NCKAP5L: variants seen among roughly 807,000 people sequenced by gnomAD.
NCKAP5L encodes the protein nck-associated protein 5-like.
NCKAP5L carries 54 observed loss-of-function variants against 103.2 expected under a neutral mutation model. The ratio of observed to expected loss-of-function variants is 0.52; its 90% CI spans 0.42 to 0.66. The LOEUF (loss-of-function observed/expected upper bound fraction) is 0.66, where lower values mean the gene tolerates loss of function less well. Among genes scored for constraint, NCKAP5L ranks in the 30% least tolerant of loss-of-function variants. The pLI, the probability that NCKAP5L is intolerant of heterozygous loss-of-function variation, is 0.00. For synonymous variants in NCKAP5L, 762 were observed against 748.6 expected, an observed-to-expected ratio of 1.02 and a Z score of -0.29; for missense variants, 1,733 against 1,750.6, an observed-to-expected ratio of 0.99 and a Z score of 0.18.
chr12:49,810,792 CAT>C (rs1337825744), intron 1 of NCKAP5L, among the ~76,000 whole-genome samples: 6 of 152,130 alleles, frequency 3.9e-5, no homozygotes, highest in South Asian at 2.1e-4. Flanking sequence ...AATATGTTAA[CAT>C]GTGATGGGTT....
chr12:49,820,480 C>CT (rs1443450270), intron 1 of NCKAP5L, among the ~76,000 whole-genome samples: 28 of 152,206 alleles, frequency 1.8e-4, no homozygotes, highest in African/African-American at 6.5e-4. Flanking sequence ...TTATGCCTGG[C>CT]TAATTTTTGT....
chr12:49,792,917 C>G lies in NCKAP5L; in HGVS notation c.3410G>C (p.Ser1137Thr), dbSNP rs752110415. The change falls in exon 11 of 13, where the codon AGT becomes ACT. Residue 1137 changes from serine to threonine, a missense_variant. Transcript: ENST00000335999. This position sits in a 1 kb window ranked among gnomAD's most constrained non-coding sequence, Gnocchi z 4.5. The stretch of plus-strand genomic sequence containing the variant: ...AGGAAGATTCTTGCTGGGGGTCCCA[C>G]TGCTACCATGGTCTGGGGGTGGGAA... The part of the protein sequence containing the change: ...GTFPPPDHGS[S>T]GTPSKNLPKT... 1 of 1,551,654 alleles carries G rather than the reference C, an allele frequency of 6.4e-7. No homozygotes were observed. Among genetic ancestry groups the G allele is most frequent in the East Asian group, 2.3e-5 (1 of 44,324 alleles).
chr12:49,794,604 G>GCCCCC (rs1592746779), intron 8 of NCKAP5L, among the ~76,000 whole-genome samples, 161 bp downstream of exon 8: 1 of 96,822 alleles, frequency 1.0e-5, no homozygotes, highest in Admixed American at 1.2e-4. Context: ...CCAAGTCACT[G>GCCCCC]ACCCCCCCAC....
At chr12:49,808,528 C>T (rs769128966) in intron 1 of NCKAP5L, among the ~76,000 whole-genome samples, 55 of 152,216 alleles carry the variant, frequency 3.6e-4, no homozygotes, top group African/African-American at 1.2e-3. Context: ...AAACTTCCTG[C>T]GTCCTTACCC....
At position 49,793,752 on chromosome 12, in the gene NCKAP5L, G is replaced by T. The variant is rs752782945; in HGVS notation, c.3240C>A (p.Cys1080Ter). 1 of 1,566,148 alleles carries T rather than the reference G, an allele frequency of 6.4e-7. No individual in the cohort carries two copies. The highest frequency in any genetic ancestry group is 2.0e-5 in the Admixed American group (1 of 50,744). The change falls in exon 9 of 13, where the codon TGC becomes TGA. Residue 1080 changes from cysteine to a stop codon, truncating the protein, a stop_gained. Transcript: ENST00000335999. LOFTEE classifies it high-confidence loss of function. Reference sequence around the variant, plus strand: ...AACTTACCTTTCCAGGAGGTTTTCCGCAGCCCTGAAGAGGGCCCACCAGGC... The same window carrying T: ...AACTTACCTTTCCAGGAGGTTTTCCTCAGCCCTGAAGAGGGCCCACCAGGC... ...RNGLVGPLQG[C>*]GKPPGKPSSE...
intron 1 of NCKAP5L, among the ~76,000 whole-genome samples, chr12:49,826,152 G>T (rs1946414094): frequency 6.6e-6 from 1 of 152,074 alleles, no homozygotes; most frequent in Non-Finnish European, 1.5e-5. Flanking sequence ...GGGCAGGGCT[G>T]GGGGTGGGAT....
chr12:49,796,442 C>T lies in NCKAP5L; in HGVS notation c.1418G>A (p.Gly473Asp), dbSNP rs1457789596. 4 of 1,540,974 alleles carry T rather than the reference C, an allele frequency of 2.6e-6. No individual in the cohort carries two copies. In the East Asian group the frequency reaches 6.8e-5, roughly 26 times the overall value. The change falls in exon 8 of 13, where the codon GGC becomes GAC. Residue 473 changes from glycine to aspartate, a missense_variant. By Grantham distance (94) the Gly-to-Asp change is moderately conservative. Transcript: ENST00000335999. ...PTSEKSPSPG[G>D]PQLSPQLPRN... Reference sequence around the variant, plus strand: ...GGGGAGCTGGGGACTGAGCTGCGGGCCTCCTGGGCTGGGGCTCTTCTCCGA... The same window carrying T: ...GGGGAGCTGGGGACTGAGCTGCGGGTCTCCTGGGCTGGGGCTCTTCTCCGA...
At chr12:49,803,258 A>G in intron 3 of NCKAP5L, 93 bp from the exon 4 acceptor site, 2 of 1,257,830 alleles carry the variant, frequency 1.6e-6, no homozygotes, top group Non-Finnish European at 2.3e-6. Flanking sequence ...GGAGGCAACT[A>G]CAGGGGTGCT....
chr12:49,794,720 G>GCCCCAAGCC, intron 8 of NCKAP5L, 45 bp downstream of exon 8: 1 of 1,394,722 alleles, frequency 7.2e-7, no homozygotes, highest in Non-Finnish European at 9.5e-7. Context: ...AGGGAAAAGT[G>GCCCCAAGCC]CCCCAAGCCC....
rs776957377 is a variant in NCKAP5L at position 49,795,089 on chromosome 12, T to C, written c.2771A>G (p.Lys924Arg). 16 of 1,612,970 alleles carry C rather than the reference T, an allele frequency of 9.9e-6. No individual in the cohort carries two copies. Among genetic ancestry groups the C allele is most frequent in the Non-Finnish European group, 1.2e-5 (14 of 1,179,624 alleles). The change falls in exon 8 of 13, where the codon AAG (lysine) becomes AGG (arginine). Residue 924 changes from lysine (K) to arginine (R), a missense_variant. Physicochemically the swap from Lys to Arg is conservative, Grantham distance 26 (BLOSUM62 2). Coordinates refer to ENST00000335999, the MANE Select transcript of NCKAP5L (RefSeq NM_001037806.4). ...GTTCAGCGCTGGCAGCTTGCTCTTC[T>C]TAAGGCCGAACCAGCTGGCGATGCT... ...TSSIASWFGL[K>R]KSKLPALNRR... is the part of the protein sequence containing the mutation.
chr12:49,803,073 C>T (rs755066145), intron 4 of NCKAP5L, 24 bp downstream of exon 4: 2 of 1,614,256 alleles, frequency 1.2e-6, no homozygotes, highest in Non-Finnish European at 1.7e-6. Context: ...CACATCCCCC[C>T]AGTCCCACTA....
chr12:49,814,614 C>A (rs1946278305), intron 1 of NCKAP5L, among the ~76,000 whole-genome samples: 1 of 152,196 alleles, frequency 6.6e-6, no homozygotes, highest in Admixed American at 6.5e-5. Context: ...CTCCTCCCAC[C>A]CCTCTTCCAC....
At position 49,796,602 on chromosome 12, in the gene NCKAP5L, G is replaced by A. The variant is rs763274068; in HGVS notation, c.1258C>T (p.Arg420Trp). The part of the protein sequence containing the change: ...MGAGDAPLGS[R>W]PGHPHSSSQV... ...GATGAGGAATGGGGGTGGCCAGGCC[G>A]AGAGCCCAGTGGGGCATCCCCAGCA... Residue 420 changes from arginine (R) to tryptophan (W), a missense_variant, in exon 8 of 13, where the codon CGG becomes TGG. Physicochemically the swap from Arg to Trp is moderately radical, Grantham distance 101 (BLOSUM62 -3). Coordinates refer to ENST00000335999, the MANE Select transcript of NCKAP5L (RefSeq NM_001037806.4). The A allele has an allele frequency of 5.6e-6, 9 of 1,601,864 alleles. No individual in the cohort carries two copies. The highest frequency in any genetic ancestry group is 5.2e-5 in the Admixed American group (3 of 57,600).
At chr12:49,815,451 T>C (rs1388742671) in intron 1 of NCKAP5L, among the ~76,000 whole-genome samples, 1 of 152,248 alleles carries the variant, frequency 6.6e-6, no homozygotes, top group Non-Finnish European at 1.5e-5. Context: ...TCACATTTCA[T>C]TGCTCAAATT....
chr12:49,795,063 G>A lies in NCKAP5L; in HGVS notation c.2797C>T (p.Arg933Cys), dbSNP rs749022001. 44 of 1,611,246 alleles carry A rather than the reference G, an allele frequency of 2.7e-5. No homozygotes were observed. The highest frequency in any genetic ancestry group is 3.1e-5 in the Non-Finnish European group (37 of 1,178,982). The part of the protein sequence containing the change: ...LKKSKLPALN[R>C]RTEATKNKEG... ...TTGTTCTTGGTGGCCTCTGTGCGGC[G>A]GTTCAGCGCTGGCAGCTTGCTCTTC... The change falls in exon 8 of 13, where the codon CGC (arginine) becomes TGC (cysteine). Residue 933 changes from arginine to cysteine, a missense_variant. Transcript: ENST00000335999.
chr12:49,793,329 C>T (rs1225347696), intron 10 of NCKAP5L, 23 bp downstream of exon 10: 2 of 1,597,888 alleles, frequency 1.3e-6, no homozygotes, highest in African/African-American at 2.7e-5. Flanking sequence ...GCAGGCCCAT[C>T]CTCAGCCCCT....
chr12:49,791,176 A>T lies in NCKAP5L; in HGVS notation c.*663T>A, dbSNP rs1398424083. The T allele has an allele frequency of 6.6e-6, 1 of 152,640 alleles. No individual in the cohort carries two copies. The highest frequency in any genetic ancestry group is 2.4e-5 in the African/African-American group (1 of 41,472). The allele number at this position is 152,640 out of a possible 1,614,324, so 9.5% of individuals were successfully genotyped here. A position where few individuals can be genotyped will look rare whatever the true frequency, so the allele number is the denominator to read the frequency against. On this transcript the variant is annotated 3_prime_UTR_variant, in exon 13 of 13. Coordinates refer to ENST00000335999, the MANE Select transcript of NCKAP5L (RefSeq NM_001037806.4). ...AGGGGGCCTCCACATTTTATTAGGG[A>T]TACGGCAGAAGCAGAGGCAGGAAGC...
At chr12:49,808,591 T>G (rs1386612396) in intron 1 of NCKAP5L, among the ~76,000 whole-genome samples, 2 of 152,150 alleles carry the variant, frequency 1.3e-5, no homozygotes, top group Non-Finnish European at 2.9e-5. Context: ...CAGCTCCAAA[T>G]CGAAGCCAAG....
chr12:49,825,146 G>C (rs1592765192), intron 1 of NCKAP5L, among the ~76,000 whole-genome samples: 1 of 152,256 alleles, frequency 6.6e-6, no homozygotes, highest in East Asian at 1.9e-4. Flanking sequence ...CGTTGGACTA[G>C]ACTGTCTCTA....
Sources: allele counts gnomAD v4.1 joint callset (sites outside exome capture counted in the v4.1 genomes callset), GRCh38; gene constraint gnomAD v4.1.1; non-coding constraint Gnocchi (gnomAD v3.1); transcripts MANE v1.5; gene names NCBI Gene and HGNC (gene_info 2026-07-23, HGNC 2026-07-21).